Variants in USP49 observed in about 807,000 individuals in gnomAD.
The protein encoded by USP49 is ubiquitin carboxyl-terminal hydrolase 49.
USP49 carries 24 observed loss-of-function variants against 58.6 expected under a neutral mutation model. The ratio of observed to expected loss-of-function variants is 0.41; its 90% CI spans 0.30 to 0.58. The LOEUF (loss-of-function observed/expected upper bound fraction) is 0.58, where lower values mean the gene tolerates loss of function less well. Ranked by LOEUF, USP49 falls within the 20% of genes least tolerant of loss-of-function variation. USP49 has a pLI of 0.30. For synonymous variants in USP49, 408 were observed against 365.1 expected (o/e 1.12, Z -1.34); for missense variants, 703 against 866.1 (o/e 0.81, Z 2.36).
intron 2 of USP49, among the ~76,000 whole-genome samples, chr6:41,878,203 T>C (rs1234559054): frequency 6.6e-6 from 1 of 152,220 alleles, no homozygotes; most frequent in East Asian, 1.9e-4. Context: ...TATGTCATTA[T>C]TCTAGCAAAA....
At chr6:41,840,368 C>T (rs1218218772) in intron 3 of USP49, among the ~76,000 whole-genome samples, 2 of 143,566 alleles carry the variant, frequency 1.4e-5, no homozygotes, top group African/African-American at 2.6e-5. Flanking sequence ...AGCAAAACTC[C>T]GTCTCAAAAA....
intron 3 of USP49, among the ~76,000 whole-genome samples, chr6:41,810,021 G>A (rs1773223301): frequency 6.7e-6 from 1 of 150,190 alleles, no homozygotes; most frequent in African/African-American, 2.4e-5. Flanking sequence ...GCGCGGTGGC[G>A]GGTGCCTTTA....
intron 3 of USP49, among the ~76,000 whole-genome samples, chr6:41,849,095 C>CA (rs1773974396): frequency 6.6e-6 from 1 of 152,042 alleles, no homozygotes; most frequent in African/African-American, 2.4e-5. Flanking sequence ...GCTCTAAGGA[C>CA]ACATAGATTG....
chr6:41,886,140 T>A (rs1774706425), intron 2 of USP49, among the ~76,000 whole-genome samples: 1 of 152,368 alleles, frequency 6.6e-6, no homozygotes, highest in Non-Finnish European at 1.5e-5. Flanking sequence ...ACCTTTGACC[T>A]CTTTTAGATA....
At chr6:41,860,316 G>A (rs1442344831) in intron 3 of USP49, among the ~76,000 whole-genome samples, 1 of 151,784 alleles carries the variant, frequency 6.6e-6, no homozygotes, top group East Asian at 1.9e-4. Context: ...AGGCAGTTGA[G>A]AGACAGAGAG....
At chr6:41,828,163 G>A (rs79455062) in intron 3 of USP49, among the ~76,000 whole-genome samples, 1,831 of 152,032 alleles carry the variant, frequency 0.012, 40 homozygotes, top group African/African-American at 0.041. Flanking sequence ...ACTAAGCTGC[G>A]GCTGGGCGTG....
chr6:41,888,048 C>CTTTT (rs35468035), intron 2 of USP49, among the ~76,000 whole-genome samples: 61 of 85,502 alleles, frequency 7.1e-4, no homozygotes, highest in East Asian at 1.5e-3. Context: ...TCACAATCAG[C>CTTTT]TTTTTTTTTT....
At position 41,806,375 on chromosome 6, in the gene USP49, G is replaced by T. The variant is rs964431718; in HGVS notation, c.609C>A (p.Thr203=). The change falls in exon 4 of 8, where the codon ACC becomes ACA. Residue 203 remains threonine, a synonymous_variant. Transcript: ENST00000682992. The surrounding 1 kb of genome is among the most constrained non-coding windows in gnomAD (Gnocchi z 5.9). ...KRRLLEELAS[T]PPRKSARLLL... ...GCAGCCGTGCACTCTTGCGCGGAGG[G>T]GTGCTGGCCAGCTCCTCCAGCAGCC... 33 of 1,539,686 alleles carry T rather than the reference G, an allele frequency of 2.1e-5. No individual in the cohort carries two copies. Among genetic ancestry groups the T allele is most frequent in the Non-Finnish European group, 2.8e-5 (32 of 1,153,606 alleles).
intron 3 of USP49, among the ~76,000 whole-genome samples, chr6:41,851,824 G>A (rs917286294): frequency 2.0e-5 from 3 of 151,082 alleles, no homozygotes; most frequent in Admixed American, 1.3e-4. Flanking sequence ...GCATTGCGGC[G>A]GGCACCTGTA....
chr6:41,892,158 G>A (rs545913221), intron 1 of USP49, among the ~76,000 whole-genome samples: 19 of 152,004 alleles, frequency 1.2e-4, no homozygotes, highest in African/African-American at 3.4e-4. Flanking sequence ...CACTAAGGCC[G>A]TTGCATACAG....
intron 4 of USP49, among the ~76,000 whole-genome samples, 156 bp from the exon 5 acceptor site, chr6:41,804,166 G>T (rs1773068726): frequency 6.6e-6 from 1 of 152,120 alleles, no homozygotes; most frequent in Admixed American, 6.5e-5. Flanking sequence ...AAAAGAATTA[G>T]AGTATATTAT....
chr6:41,844,076 C>A (rs576020887), intron 3 of USP49, among the ~76,000 whole-genome samples: 4 of 151,500 alleles, frequency 2.6e-5, no homozygotes, highest in Admixed American at 1.3e-4. Flanking sequence ...AAAAAATCAG[C>A]CAGGCATGGT....
chr6:41,851,337 TATCA>T (rs1322289783), intron 3 of USP49, among the ~76,000 whole-genome samples: 4 of 152,194 alleles, frequency 2.6e-5, no homozygotes, highest in Non-Finnish European at 5.9e-5. Context: ...AACATATGAA[TATCA>T]ATCAATGTAA....
intron 3 of USP49, among the ~76,000 whole-genome samples, chr6:41,865,983 G>A (rs529973423): frequency 5.0e-5 from 7 of 140,120 alleles, no homozygotes; most frequent in South Asian, 4.7e-4. Context: ...GTGCAGTGGC[G>A]CGATCTCGGC....
intron 3 of USP49, among the ~76,000 whole-genome samples, chr6:41,814,891 G>T (rs1449329000): frequency 2.6e-5 from 4 of 152,124 alleles, no homozygotes; most frequent in African/African-American, 9.7e-5. Flanking sequence ...ACTGCCATAT[G>T]CGACAGTGCT....
chr6:41,811,329 T>C (rs1426869192), intron 3 of USP49, among the ~76,000 whole-genome samples: 2 of 152,198 alleles, frequency 1.3e-5, no homozygotes, highest in African/African-American at 4.8e-5. Flanking sequence ...TGTGGTGCAG[T>C]ACAGTAAGAT....
intron 3 of USP49, among the ~76,000 whole-genome samples, chr6:41,848,780 G>C (rs1055111456): frequency 2.0e-5 from 3 of 151,606 alleles, no homozygotes; most frequent in Non-Finnish European, 4.4e-5. Flanking sequence ...GTGTGAACCC[G>C]GGAGGCAGAG....
At chr6:41,800,123 G>A (rs1039993681) in intron 5 of USP49, among the ~76,000 whole-genome samples, 185 bp from the exon 6 acceptor site, 1 of 152,188 alleles carries the variant, frequency 6.6e-6, no homozygotes, top group Admixed American at 6.5e-5. Flanking sequence ...CCTGCATGGT[G>A]TGGCCATGGA....
intron 4 of USP49, among the ~76,000 whole-genome samples, chr6:41,805,016 G>A (rs2127322681): frequency 6.6e-6 from 1 of 152,302 alleles, no homozygotes; most frequent in Middle Eastern, 3.4e-3. Flanking sequence ...CTGAAGTGCT[G>A]GGATTACAGG....
Sources: gnomAD v4.1 joint callset for allele counts (sites outside exome capture counted in the v4.1 genomes callset) on GRCh38, gnomAD v4.1.1 for gene constraint, Gnocchi (gnomAD v3.1) non-coding constraint, MANE v1.5 for transcripts, NCBI Gene and HGNC (gene_info 2026-07-23, HGNC 2026-07-21) for gene names.